The following HERPUD1 variants were observed in gnomAD, a reference collection of about 807,000 sequenced individuals.
The protein encoded by HERPUD1 is homocysteine inducible ER protein with ubiquitin like domain 1.
In HERPUD1, 17 loss-of-function variants were observed where a neutral mutation model predicts 45.0. The ratio of observed to expected loss-of-function variants is 0.38; its 90% CI spans 0.26 to 0.57. HERPUD1 has a LOEUF of 0.57. HERPUD1 is among the 20% of genes least tolerant of loss of function. The pLI, the probability that HERPUD1 is intolerant of heterozygous loss-of-function variation, is 0.72. For missense variants in HERPUD1, 420 were observed against 490.5 expected (o/e 0.86, Z 1.36); for synonymous variants, 164 against 177.5 (o/e 0.92, Z 0.61).
chr16:56,939,229 A>C lies in HERPUD1; in HGVS notation c.432-8A>C. Reference sequence around the variant, plus strand: ...TCAAAATGAGTGTTTTTTCAAATCTATGTATAGGCCTGAAGCTGCCCAGCA... The same window carrying C: ...TCAAAATGAGTGTTTTTTCAAATCTCTGTATAGGCCTGAAGCTGCCCAGCA... On this transcript the variant is annotated splice_region_variant and splice_polypyrimidine_tract_variant and intron_variant, in intron 4 of 7. Transcript: ENST00000439977. The C allele has an allele frequency of 6.2e-7, 1 of 1,613,158 alleles. No homozygotes were observed. The highest frequency in any genetic ancestry group is 8.5e-7 in the Non-Finnish European group (1 of 1,179,738).
At chr16:56,940,700 A>C (rs530943383) in intron 6 of HERPUD1, among the ~76,000 whole-genome samples, 42 of 152,054 alleles carry the variant, frequency 2.8e-4, no homozygotes, top group African/African-American at 1.0e-3. Flanking sequence ...AGTGGCTCAC[A>C]CCTGTAATCC....
In HERPUD1 at chr16:56,932,223, C is replaced by T. The variant is rs757716802; in HGVS notation, c.-22C>T. 4 of 1,602,528 alleles carry T rather than the reference C, an allele frequency of 2.5e-6. No individual in the cohort carries two copies. The highest frequency in any genetic ancestry group is 2.2e-5 in the East Asian group (1 of 44,778). On this transcript the variant is annotated 5_prime_UTR_variant, in exon 1 of 8. Coordinates refer to ENST00000439977, the MANE Select transcript of HERPUD1 (RefSeq NM_014685.4). ...CCTGGCACCTAGGAGCGCAGCGGAG[C>T]CCCGACACCGCCGCCGCCGCCATGG...
chr16:56,942,044 C>A, intron 6 of HERPUD1, 88 bp from the exon 7 acceptor site: 1 of 986,484 alleles, frequency 1.0e-6, no homozygotes, highest in Non-Finnish European at 1.6e-6. Context: ...CAGGGTGCTG[C>A]TGTGATTAGA....
chr16:56,939,784 C>T (rs1476103997), intron 5 of HERPUD1, 111 bp from the exon 6 acceptor site: 1 of 765,940 alleles, frequency 1.3e-6, no homozygotes, highest in Non-Finnish European at 2.1e-6. Flanking sequence ...AAATCAAAGG[C>T]ATATCTACCT....
chr16:56,936,483 G>T, intron 3 of HERPUD1: 1 of 349,732 alleles, frequency 2.9e-6, no homozygotes, highest in Non-Finnish European at 5.1e-6. Context: ...GAAAAAATAT[G>T]AATATTTTAG....
chr16:56,940,192 C>T lies in HERPUD1; in HGVS notation c.852C>T (p.Tyr284=). 1 of 1,614,220 alleles carries T rather than the reference C, an allele frequency of 6.2e-7. No homozygotes were observed. The highest frequency in any genetic ancestry group is 1.3e-5 in the African/African-American group (1 of 75,058). The part of the protein sequence containing the change: ...FSVFLSILYF[Y]SSLSRFLMVM... The stretch of plus-strand genomic sequence containing the variant: ...TTTTTCTCAGTATCCTCTACTTCTA[C>T]TCCTCCCTGAGCAGATTCCTCATGG... Residue 284 remains tyrosine (Y), a synonymous_variant, in exon 6 of 8, where the codon TAC becomes TAT. Coordinates refer to ENST00000439977, the MANE Select transcript of HERPUD1 (RefSeq NM_014685.4).
chr16:56,942,992 C>T (rs2144828252), intron 7 of HERPUD1, 134 bp from the exon 8 acceptor site: 2 of 851,398 alleles, frequency 2.3e-6, no homozygotes, highest in Admixed American at 2.3e-5. Context: ...CCCTGGGGTC[C>T]TGGCTGCCTG....
At chr16:56,943,037 C>A in intron 7 of HERPUD1, 89 bp from the exon 8 acceptor site, 2 of 1,382,442 alleles carry the variant, frequency 1.4e-6, no homozygotes, top group Non-Finnish European at 2.0e-6. Context: ...CAGGGATTTA[C>A]CCTGCCCTTT....
chr16:56,939,153 A>C (rs2055889109), intron 4 of HERPUD1, 84 bp from the exon 5 acceptor site: 1 of 1,469,042 alleles, frequency 6.8e-7, no homozygotes, highest in African/African-American at 1.4e-5. Context: ...TTCGATTTGA[A>C]TTCTTGATTT....
At chr16:56,939,810 C>T in intron 5 of HERPUD1, 85 bp from the exon 6 acceptor site, 2 of 1,013,094 alleles carry the variant, frequency 2.0e-6, no homozygotes, top group Admixed American at 4.6e-5. Flanking sequence ...AAATTCTTAA[C>T]AGTAAAAGAC....
intron 5 of HERPUD1, 62 bp from the exon 6 acceptor site, chr16:56,939,833 A>T: frequency 7.7e-7 from 1 of 1,296,098 alleles, no homozygotes; most frequent in South Asian, 1.3e-5. Context: ...CTGTGTAAAT[A>T]AGCCACAGAC....
At chr16:56,941,282 T>G (rs1234350699) in intron 6 of HERPUD1, 1 of 152,206 alleles carries the variant, frequency 6.6e-6, no homozygotes, top group African/African-American at 2.4e-5. Context: ...GACATTTGGT[T>G]TTAGCTGTGG....
In HERPUD1 at chr16:56,944,097, A is replaced by G. The variant is rs1212095728; in HGVS notation, c.*807A>G. The G allele has an allele frequency of 1.3e-5, 2 of 153,830 alleles. No homozygotes were observed. The highest frequency in any genetic ancestry group is 2.9e-5 in the Non-Finnish European group (2 of 69,066). The allele number at this position is 153,830 out of a possible 1,614,324, so 9.5% of individuals were successfully genotyped here. A position where few individuals can be genotyped will look rare whatever the true frequency, so the allele number is the denominator to read the frequency against. On this transcript the variant is annotated 3_prime_UTR_variant, in exon 8 of 8. Transcript: ENST00000439977. ...TTCCTTGGGCCAGAGTACATTGGCT[A>G]CTCACAAGTGGGCTGGTAGCTGGCT... is the stretch of plus-strand genomic sequence containing the variant.
chr16:56,939,230 T>C lies in HERPUD1; in HGVS notation c.432-7T>C. 1.2e-6 allele frequency: 2 copies of C among 1,613,992 alleles called. No homozygotes were observed. The highest frequency in any genetic ancestry group is 1.7e-6 in the Non-Finnish European group (2 of 1,179,958). ...CAAAATGAGTGTTTTTTCAAATCTA[T>C]GTATAGGCCTGAAGCTGCCCAGCAG... On this transcript the variant is annotated splice_region_variant and splice_polypyrimidine_tract_variant and intron_variant, in intron 4 of 7. Transcript: ENST00000439977.
intron 1 of HERPUD1, among the ~76,000 whole-genome samples, chr16:56,934,289 G>A (rs942521723): frequency 2.0e-5 from 3 of 152,280 alleles, no homozygotes; most frequent in Middle Eastern, 3.4e-3. Context: ...AGAGTGTGCA[G>A]TCCCTATGGT....
intron 6 of HERPUD1, 94 bp downstream of exon 6, chr16:56,940,339 A>C: frequency 1.2e-6 from 1 of 865,640 alleles, no homozygotes; most frequent in Non-Finnish European, 1.8e-6. Context: ...TTTGAGATGG[A>C]GTCTCGCTCT....
At position 56,943,205 on chromosome 16, in the gene HERPUD1, C is replaced by T. The variant is rs1434067962; in HGVS notation, c.1091C>T (p.Pro364Leu). Residue 364 changes from proline (P) to leucine (L), a missense_variant, in exon 8 of 8, where the codon CCC becomes CTC. By Grantham distance (98) the Pro-to-Leu change is moderately conservative (BLOSUM62 -3). Transcript: ENST00000439977. ...RDVLDGEQTS[P>L]SFMSTAWLVF... ...GTACTAGATGGCGAGCAGACCAGCC[C>T]CTCCTTTATGAGCACAGCATGGCTT... 1 of 1,614,162 alleles carries T rather than the reference C, an allele frequency of 6.2e-7. No individual in the cohort carries two copies. The highest frequency in any genetic ancestry group is 8.5e-7 in the Non-Finnish European group (1 of 1,180,026).
At chr16:56,933,628 G>C (rs891015546) in intron 1 of HERPUD1, among the ~76,000 whole-genome samples, 46 of 152,116 alleles carry the variant, frequency 3.0e-4, no homozygotes, top group Non-Finnish European at 8.8e-5. Flanking sequence ...ATACCTCTCA[G>C]GTATACAAAT....
At chr16:56,935,363 T>C (rs750152515) in intron 2 of HERPUD1, 38 bp from the exon 3 acceptor site, 10 of 1,611,292 alleles carry the variant, frequency 6.2e-6, no homozygotes, top group Admixed American at 5.0e-5. Context: ...CTCACCAGGT[T>C]AGGTTCAGGT....
Sources: gnomAD v4.1 joint callset for allele counts (sites outside exome capture counted in the v4.1 genomes callset) on GRCh38, gnomAD v4.1.1 for gene constraint, MANE v1.5 for transcripts, NCBI Gene and HGNC (gene_info 2026-07-23, HGNC 2026-07-21) for gene names.